TSPAN12: variants seen among roughly 807,000 people sequenced by gnomAD.
TSPAN12 encodes the protein tetraspanin 12.
In TSPAN12, 19 loss-of-function variants were observed where a neutral mutation model predicts 39.2. The observed-to-expected ratio is 0.49, with a 90% CI of 0.34 to 0.71. The LOEUF (loss-of-function observed/expected upper bound fraction) is 0.71. TSPAN12 is among the 30% of genes least tolerant of loss of function. TSPAN12 has a pLI of 0.01. For missense variants in TSPAN12, 314 were observed against 359.9 expected, an observed-to-expected ratio of 0.87 and a Z score of 1.03; for synonymous variants, 119 against 124.8, an observed-to-expected ratio of 0.95 and a Z score of 0.31.
intron 1 of TSPAN12, chr7:120,857,202 C>T (rs1278643928): frequency 3.2e-6 from 1 of 312,296 alleles, no homozygotes; most frequent in African/African-American, 2.2e-5. Context: ...TCGGCACTGT[C>T]CTGAAGGTGA....
chr7:120,790,406 C>T (rs574936580), intron 7 of TSPAN12, among the ~76,000 whole-genome samples: 1 of 152,298 alleles, frequency 6.6e-6, no homozygotes, highest in East Asian at 1.9e-4. Flanking sequence ...TGCACAGACA[C>T]ATTTTAACAC....
At chr7:120,813,067 A>G (rs958023539) in intron 5 of TSPAN12, among the ~76,000 whole-genome samples, 8 of 152,202 alleles carry the variant, frequency 5.3e-5, no homozygotes, top group African/African-American at 1.9e-4. Context: ...AGGTTCTGGC[A>G]CAAATACTGA....
At chr7:120,798,373 G>A (rs528305721) in intron 7 of TSPAN12, among the ~76,000 whole-genome samples, 1 of 152,266 alleles carries the variant, frequency 6.6e-6, no homozygotes, top group African/African-American at 2.4e-5. Flanking sequence ...GAAGTCAGTA[G>A]AGAGACAGGA....
intron 6 of TSPAN12, among the ~76,000 whole-genome samples, chr7:120,808,028 A>G (rs1179761613): frequency 6.6e-6 from 1 of 152,116 alleles, no homozygotes; most frequent in East Asian, 1.9e-4. Context: ...CATAAAAATC[A>G]TAAACAAGGA....
intron 7 of TSPAN12, among the ~76,000 whole-genome samples, chr7:120,797,588 C>T (rs1339464757): frequency 1.3e-5 from 2 of 152,244 alleles, no homozygotes; most frequent in Non-Finnish European, 2.9e-5. Flanking sequence ...GGTTTCTGCA[C>T]ATGGAATACC....
At chr7:120,801,226 C>T (rs1226408146) in intron 7 of TSPAN12, among the ~76,000 whole-genome samples, 1 of 152,098 alleles carries the variant, frequency 6.6e-6, no homozygotes, top group Non-Finnish European at 1.5e-5. Flanking sequence ...ACACATTTGT[C>T]ATCATGGGGT....
intron 4 of TSPAN12, among the ~76,000 whole-genome samples, chr7:120,826,694 A>G (rs1339664331): frequency 1.3e-5 from 2 of 152,060 alleles, no homozygotes; most frequent in African/African-American, 4.8e-5. Context: ...AAAGAGGGGA[A>G]TGAGTTCACT....
At chr7:120,848,337 C>T (rs556507308) in intron 2 of TSPAN12, among the ~76,000 whole-genome samples, 1 of 152,278 alleles carries the variant, frequency 6.6e-6, no homozygotes, top group South Asian at 2.1e-4. Flanking sequence ...GCCTATCTCC[C>T]CATCACACAG....
At chr7:120,834,769 T>C (rs1794447052) in intron 4 of TSPAN12, among the ~76,000 whole-genome samples, 1 of 152,136 alleles carries the variant, frequency 6.6e-6, no homozygotes, top group Non-Finnish European at 1.5e-5. Context: ...ACATCCAAAA[T>C]AAAAGTAAGA....
chr7:120,817,857 G>A (rs1317155536), intron 4 of TSPAN12, among the ~76,000 whole-genome samples: 1 of 152,128 alleles, frequency 6.6e-6, no homozygotes, highest in Non-Finnish European at 1.5e-5. Context: ...TCCTTCACTG[G>A]ACTGAAAGCT....
chr7:120,843,191 T>C (rs780714902), intron 2 of TSPAN12, among the ~76,000 whole-genome samples: 4 of 152,174 alleles, frequency 2.6e-5, no homozygotes, highest in Non-Finnish European at 5.9e-5. Flanking sequence ...GTGAACAGAT[T>C]GTAAAACTCA....
intron 4 of TSPAN12, among the ~76,000 whole-genome samples, chr7:120,831,174 A>C (rs747368063): frequency 3.9e-5 from 6 of 152,052 alleles, no homozygotes; most frequent in Non-Finnish European, 7.4e-5. Flanking sequence ...GTGGGGGAAA[A>C]AAATCCTGGT....
chr7:120,794,812 C>T (rs1039665926), intron 7 of TSPAN12, among the ~76,000 whole-genome samples: 6 of 152,156 alleles, frequency 3.9e-5, no homozygotes, highest in African/African-American at 1.2e-4. Flanking sequence ...AGATGATTGA[C>T]CTCCTCAGTC....
chr7:120,798,441 T>G (rs1321700363), intron 7 of TSPAN12, among the ~76,000 whole-genome samples: 1 of 152,162 alleles, frequency 6.6e-6, no homozygotes, highest in Non-Finnish European at 1.5e-5. Context: ...TTGGGGATAT[T>G]CCATCTAAAT....
chr7:120,850,612 T>G (rs953169236), intron 2 of TSPAN12, among the ~76,000 whole-genome samples: 1 of 152,128 alleles, frequency 6.6e-6, no homozygotes, highest in Admixed American at 6.5e-5. Context: ...TTAAGAAGCA[T>G]GCAGCGGCTC....
At chr7:120,803,926 T>G (rs966939498) in intron 7 of TSPAN12, among the ~76,000 whole-genome samples, 1 of 152,160 alleles carries the variant, frequency 6.6e-6, no homozygotes, top group African/African-American at 2.4e-5. Flanking sequence ...AAAATTATAT[T>G]AAATGTTTAA....
At chr7:120,823,027 G>A (rs1794216934) in intron 4 of TSPAN12, among the ~76,000 whole-genome samples, 1 of 152,180 alleles carries the variant, frequency 6.6e-6, no homozygotes, top group Non-Finnish European at 1.5e-5. Flanking sequence ...ATTAATGCAT[G>A]AGGGTTTATA....
In TSPAN12 at chr7:120,788,555, A is replaced by T; in HGVS notation, c.*37T>A. The T allele has an allele frequency of 1.7e-5, 28 of 1,613,164 alleles. No homozygotes were observed. Among genetic ancestry groups the T allele is most frequent in the Non-Finnish European group, 2.4e-5 (28 of 1,179,190 alleles). On this transcript the variant is annotated 3_prime_UTR_variant, in exon 8 of 8. Transcript: ENST00000222747. ...GTACTCAAAAATTCACAAGTCCAGT[A>T]AAACAAGTTTGTGGTTTTCTTCTGT...
chr7:120,848,163 CCCAGCTTGAACATCAAGT>C (rs1794707779), intron 2 of TSPAN12, among the ~76,000 whole-genome samples: 1 of 152,200 alleles, frequency 6.6e-6, no homozygotes, highest in African/African-American at 2.4e-5. Context: ...TTCCTTCAAG[CCCAGCTTGAACATCAAGT>C]CCAGTGTAAA....
Sources: allele counts gnomAD v4.1 joint callset (sites outside exome capture counted in the v4.1 genomes callset), GRCh38; gene constraint gnomAD v4.1.1; transcripts MANE v1.5; gene names NCBI Gene and HGNC (gene_info 2026-07-23, HGNC 2026-07-21).